The following PKHD1 variants were observed in gnomAD, a reference collection of about 807,000 sequenced individuals.
The protein encoded by PKHD1 is fibrocystin.
In PKHD1, 291 loss-of-function variants were observed where a neutral mutation model predicts 412.0. The observed-to-expected ratio is 0.71, with a 90% confidence interval of 0.64 to 0.78. The LOEUF (loss-of-function observed/expected upper bound fraction) is 0.78. PKHD1 is among the 30% of genes least tolerant of loss of function. The probability of loss-of-function intolerance (pLI) is 0.00; values close to 1 mark genes in which losing one functional copy is unlikely to be tolerated. For synonymous variants in PKHD1, 1,777 were observed against 1,821.5 expected, an observed-to-expected ratio of 0.98 and a Z score of 0.62; for missense variants, 4,825 against 4,950.7, an observed-to-expected ratio of 0.97 and a Z score of 0.76.
intron 63 of PKHD1, among the ~76,000 whole-genome samples, chr6:51,640,820 A>C (rs187405243): frequency 4.6e-5 from 7 of 152,328 alleles, no homozygotes; most frequent in Admixed American, 3.9e-4. Flanking sequence ...ATAAATGTCA[A>C]AGGATATTGA....
chr6:51,760,158 T>C (rs948509154), intron 55 of PKHD1, among the ~76,000 whole-genome samples: 4 of 152,136 alleles, frequency 2.6e-5, no homozygotes, highest in African/African-American at 4.8e-5. Flanking sequence ...CAAAATAAAT[T>C]ATAGTAGTAT....
At position 51,618,995 on chromosome 6, in the gene PKHD1, C is replaced by G. The variant is rs1766275882; in HGVS notation, c.*86G>C. The G allele has an allele frequency of 2.5e-6, 3 of 1,216,604 alleles. No individual in the cohort carries two copies. Among genetic ancestry groups the G allele is most frequent in the Non-Finnish European group, 3.7e-6 (3 of 820,666 alleles). 75.4% of individuals were successfully genotyped at this position (1,216,604 alleles called of 1,614,324 possible). On this transcript the variant is annotated 3_prime_UTR_variant, in exon 67 of 67. Coordinates refer to ENST00000371117, the MANE Select transcript of PKHD1 (RefSeq NM_138694.4). The stretch of plus-strand genomic sequence containing the variant: ...CATTCTCTCTTCTTAGTTGTCCCAG[C>G]AGGACAGTCCTCACTTCCCCAGCTT...
At chr6:51,759,213 A>G (rs2151048713) in intron 55 of PKHD1, among the ~76,000 whole-genome samples, 1 of 152,320 alleles carries the variant, frequency 6.6e-6, no homozygotes, top group South Asian at 2.1e-4. Context: ...ATGGTGAGTG[A>G]CAACAATTAT....
chr6:51,621,869 G>A (rs1469575003), intron 66 of PKHD1: 1 of 152,162 alleles, frequency 6.6e-6, no homozygotes, highest in African/African-American at 2.4e-5. Context: ...TGAATTTATA[G>A]CAGATACGTG....
intron 37 of PKHD1, among the ~76,000 whole-genome samples, chr6:51,926,919 C>T (rs952698915): frequency 6.6e-6 from 1 of 152,152 alleles, no homozygotes; most frequent in African/African-American, 2.4e-5. Flanking sequence ...GAGAAACACT[C>T]ATCAGTCACT....
At chr6:51,666,902 C>T (rs1291141041) in intron 60 of PKHD1, among the ~76,000 whole-genome samples, 1 of 152,014 alleles carries the variant, frequency 6.6e-6, no homozygotes, top group African/African-American at 2.4e-5. Flanking sequence ...CCATAGTATT[C>T]CATGGTGTAT....
rs1299783315 is a variant in PKHD1 at position 51,804,373 on chromosome 6, G to A, written c.8303-13000C>T. The stretch of plus-strand genomic sequence containing the variant: ...TACTAATTCATTGGGGGGGGGGGGG[G>A]CGGTAACAGGAGAAATTAAGCGAAA... On this transcript the variant is annotated intron_variant, in intron 52 of 66. Coordinates refer to ENST00000371117, the MANE Select transcript of PKHD1 (RefSeq NM_138694.4). Among the ~76,000 whole-genome samples the A allele has an allele frequency of 6.1e-4, 29 of 47,540 alleles. 3 individuals carry two copies. The highest frequency in any genetic ancestry group is 2.6e-3 in the African/African-American group (29 of 11,108). The allele number at this position is 47,540 out of a possible 152,430, so 31.2% of individuals were successfully genotyped here.
intron 60 of PKHD1, among the ~76,000 whole-genome samples, chr6:51,688,336 G>A (rs1208018778): frequency 1.3e-5 from 2 of 152,074 alleles, no homozygotes; most frequent in Non-Finnish European, 2.9e-5. Flanking sequence ...TAAACAAGTT[G>A]TCTTCCCTCT....
At chr6:51,699,920 A>AGTGTGTATGTGTGTGTGTGTGC (rs57760395) in intron 60 of PKHD1, among the ~76,000 whole-genome samples, 1 of 137,812 alleles carries the variant, frequency 7.3e-6, no homozygotes, top group South Asian at 2.5e-4. Context: ...ATATATATGG[A>AGTGTGTATGTGTGTGTGTGTGC]GTGTGTGTGT....
intron 35 of PKHD1, among the ~76,000 whole-genome samples, chr6:51,969,515 C>T (rs891179413): frequency 1.3e-4 from 20 of 152,136 alleles, no homozygotes; most frequent in Admixed American, 7.2e-4. Flanking sequence ...GAAGAGTGAA[C>T]ATTGTGCCCA....
At chr6:52,030,874 C>A (rs906086697) in intron 29 of PKHD1, among the ~76,000 whole-genome samples, 13 of 152,062 alleles carry the variant, frequency 8.5e-5, no homozygotes, top group Non-Finnish European at 1.6e-4. Flanking sequence ...ATTTAAATGG[C>A]TAAAAATATG....
chr6:51,732,660 T>G (rs566980304), intron 60 of PKHD1, among the ~76,000 whole-genome samples: 1 of 152,204 alleles, frequency 6.6e-6, no homozygotes, highest in Non-Finnish European at 1.5e-5. Flanking sequence ...AACAAGGATG[T>G]GGAGAAACCA....
intron 55 of PKHD1, among the ~76,000 whole-genome samples, chr6:51,765,736 T>C (rs909627202): frequency 6.6e-6 from 1 of 152,154 alleles, no homozygotes; most frequent in African/African-American, 2.4e-5. Flanking sequence ...CGTCTTTCTC[T>C]CAACTAAGAT....
intron 35 of PKHD1, among the ~76,000 whole-genome samples, chr6:52,002,522 C>T (rs552443876): frequency 6.6e-6 from 1 of 152,320 alleles, no homozygotes; most frequent in East Asian, 1.9e-4. Flanking sequence ...CAGTAAGTTT[C>T]CTCCAGGACA....
At chr6:51,885,724 A>T in intron 45 of PKHD1, 143 bp downstream of exon 45, 3 of 702,748 alleles carry the variant, frequency 4.3e-6, no homozygotes, top group Admixed American at 2.1e-5. Context: ...GGTGCTTTAA[A>T]ATTGTGACAG....
chr6:51,852,963 T>G (rs1238053610), intron 49 of PKHD1, among the ~76,000 whole-genome samples: 4 of 152,184 alleles, frequency 2.6e-5, no homozygotes, highest in Admixed American at 2.0e-4. Context: ...TGATATAATT[T>G]AGTTATTTTG....
At chr6:51,925,783 TC>T (rs1276446022) in intron 37 of PKHD1, among the ~76,000 whole-genome samples, 1 of 151,938 alleles carries the variant, frequency 6.6e-6, no homozygotes, top group Non-Finnish European at 1.5e-5. Flanking sequence ...TCCCTCCTTC[TC>T]TCTCCCTTCC....
chr6:51,860,659 C>A (rs1774035391), intron 48 of PKHD1, among the ~76,000 whole-genome samples: 1 of 152,188 alleles, frequency 6.6e-6, no homozygotes, highest in Admixed American at 6.5e-5. Context: ...AGGAGGCAAC[C>A]AGTCCATTTT....
intron 52 of PKHD1, among the ~76,000 whole-genome samples, chr6:51,808,090 A>C (rs1474106980): frequency 6.6e-6 from 1 of 152,216 alleles, no homozygotes; most frequent in East Asian, 1.9e-4. Flanking sequence ...CTTAAAAATT[A>C]AAGTACTTTT....
Sources: gnomAD v4.1 joint callset for allele counts (sites outside exome capture counted in the v4.1 genomes callset) on GRCh38, gnomAD v4.1.1 for gene constraint, MANE v1.5 for transcripts, NCBI Gene and HGNC (gene_info 2026-07-23, HGNC 2026-07-21) for gene names.